The following DUSP18 variants were observed in gnomAD, a reference collection of about 807,000 sequenced individuals.
DUSP18 encodes the protein dual specificity phosphatase 18.
Under a neutral mutation model 6.3 loss-of-function variants are expected in DUSP18, and 4 were observed. The observed-to-expected ratio is 0.63, with a 90% confidence interval of 0.31 to 1.45. DUSP18 has a LOEUF of 1.45. Ranked by LOEUF, DUSP18 falls within the 40% of genes most tolerant of loss-of-function variation. The pLI is 0.07. For missense variants in DUSP18, 235 were observed against 247.7 expected (o/e 0.95, Z 0.34); for synonymous variants, 96 against 95.1 (o/e 1.01, Z -0.05).
chr22:30,652,592 A>G (rs2088244324), intron 2 of DUSP18, among the ~76,000 whole-genome samples: 1 of 152,242 alleles, frequency 6.6e-6, no homozygotes, highest in African/African-American at 2.4e-5. Context: ...CAATTAAGTT[A>G]GATCTCTTCC....
intron 1 of DUSP18, chr22:30,665,028 G>A (rs2088597444): frequency 6.5e-6 from 1 of 152,698 alleles, no homozygotes; most frequent in Non-Finnish European, 1.5e-5. Context: ...CCGCGCCGCA[G>A]ACCGTGCAGT....
chr22:30,654,412 T>A (rs2088292280), intron 2 of DUSP18: 1 of 453,918 alleles, frequency 2.2e-6, no homozygotes. Flanking sequence ...GTAGGCAAAC[T>A]TTCTTGTAGG....
downstream of DUSP18, among the ~76,000 whole-genome samples, chr22:30,661,177 GA>G (rs992557234): frequency 2.6e-4 from 40 of 151,646 alleles, no homozygotes; most frequent in Admixed American, 1.6e-3. Flanking sequence ...TGAGCAATTG[GA>G]AAAAAAATCT....
downstream of DUSP18, among the ~76,000 whole-genome samples, chr22:30,657,154 G>A (rs1054763866): frequency 3.3e-5 from 5 of 152,016 alleles, no homozygotes; most frequent in Non-Finnish European, 7.4e-5. Context: ...AAATTTCTGG[G>A]CTGGGTGCAG....
downstream of DUSP18, among the ~76,000 whole-genome samples, chr22:30,659,123 C>CAAAAAAAAAAAA (rs35939188): frequency 9.5e-6 from 1 of 104,716 alleles, no homozygotes; most frequent in Non-Finnish European, 1.8e-5. Context: ...GACTCCATCT[C>CAAAAAAAAAAAA]AAAAAAAAAA....
downstream of DUSP18, among the ~76,000 whole-genome samples, chr22:30,659,420 C>T (rs1332883426): frequency 1.3e-5 from 2 of 152,080 alleles, no homozygotes; most frequent in Non-Finnish European, 2.9e-5. Context: ...ATTGCCCAGG[C>T]TCGAGTTCAA....
Position 30,663,979 on chromosome 22 carries a change from G to C in DUSP18, c.25C>G (p.Pro9Ala). The C allele has an allele frequency of 6.2e-7, 1 of 1,613,918 alleles. No homozygotes were observed. The highest frequency in any genetic ancestry group is 8.5e-7 in the Non-Finnish European group (1 of 1,179,782). The change falls in exon 2 of 2, where the codon CCA becomes GCA. Residue 9 changes from proline (P) to alanine (A), a missense_variant. By Grantham distance (27) the Pro-to-Ala change is conservative. Coordinates refer to ENST00000334679, the MANE Select transcript of DUSP18 (RefSeq NM_152511.5). ...ACTGAGGGCTGCCGGAACTGAACTG[G>C]GAAGGCACACGAGGGTGCTGTCATC... is the stretch of plus-strand genomic sequence containing the variant. MTAPSCAF[P>A]VQFRQPSVSG...
chr22:30,660,841 A>ATT (rs201034099), downstream of DUSP18, among the ~76,000 whole-genome samples: 84 of 144,308 alleles, frequency 5.8e-4, no homozygotes, highest in Admixed American at 1.3e-3. Context: ...GCATAGAACA[A>ATT]TTTTTTTTTT....
downstream of DUSP18, among the ~76,000 whole-genome samples, chr22:30,659,522 C>T (rs2088417399): frequency 1.3e-5 from 2 of 152,008 alleles, no homozygotes; most frequent in Admixed American, 6.6e-5. Flanking sequence ...TACAGGCGCC[C>T]GCCACCACAT....
intron 2 of DUSP18, among the ~76,000 whole-genome samples, chr22:30,655,365 G>C (rs1190743945): frequency 1.3e-5 from 2 of 149,230 alleles, no homozygotes; most frequent in African/African-American, 5.0e-5. Context: ...GCTGAGATGG[G>C]AGGCTGCAGT....
chr22:30,657,949 AATAATG>A (rs991096260), downstream of DUSP18, among the ~76,000 whole-genome samples: 3 of 136,210 alleles, frequency 2.2e-5, no homozygotes, highest in Non-Finnish European at 4.6e-5. Context: ...TAATAATAAT[AATAATG>A]ATTAGCTGGA....
rs769987050 is a variant in DUSP18 at position 30,664,034 on chromosome 22, C to T, written c.-31G>A. ...CGGTGGGTCAGTGGTCAGCAGTCAGCGAAGCACGAAGGCTGCGTCTTTCTG... is the reference window on the plus strand; with the variant it reads ...CGGTGGGTCAGTGGTCAGCAGTCAGTGAAGCACGAAGGCTGCGTCTTTCTG... On this transcript the variant is annotated 5_prime_UTR_variant, in exon 2 of 2. Coordinates refer to ENST00000334679, the MANE Select transcript of DUSP18 (RefSeq NM_152511.5). The T allele has an allele frequency of 6.5e-5, 103 of 1,581,796 alleles. No homozygotes were observed. The highest frequency in any genetic ancestry group is 1.7e-4 in the Middle Eastern group (1 of 5,976).
Position 30,662,605 on chromosome 22 carries a change from T to C in DUSP18, c.*832A>G, listed in dbSNP as rs868780895. 128 of 152,246 alleles carry C rather than the reference T, an allele frequency of 8.4e-4. No homozygotes were observed. The highest frequency in any genetic ancestry group is 2.9e-3 in the African/African-American group (121 of 41,536). The allele number at this position is 152,246 out of a possible 1,614,324, so 9.4% of individuals were successfully genotyped here. Reference sequence around the variant, plus strand: ...ACTTTGGGAGGCTGAGGCGTGAGGATTGCTTGAGGCCAGGAGTTTGAGACC... The same window carrying C: ...ACTTTGGGAGGCTGAGGCGTGAGGACTGCTTGAGGCCAGGAGTTTGAGACC... On this transcript the variant is annotated 3_prime_UTR_variant, in exon 2 of 2. Transcript: ENST00000334679.
chr22:30,652,624 C>CA (rs1405912772), intron 2 of DUSP18, among the ~76,000 whole-genome samples: 1 of 152,216 alleles, frequency 6.6e-6, no homozygotes, highest in African/African-American at 2.4e-5. Flanking sequence ...CACAATTTTG[C>CA]AAAGGCGGCT....
chr22:30,655,507 C>CT (rs113225590), intron 2 of DUSP18, among the ~76,000 whole-genome samples: 1,555 of 145,790 alleles, frequency 0.011, 14 homozygotes, highest in South Asian at 0.032. Flanking sequence ...ACAAAATATC[C>CT]TTTTTTTTTT....
chr22:30,655,429 C>CAAAA (rs5844917), intron 2 of DUSP18, among the ~76,000 whole-genome samples: 2 of 111,660 alleles, frequency 1.8e-5, no homozygotes, highest in African/African-American at 3.6e-5. Context: ...GAGATCCTAC[C>CAAAA]AAAAAAAAAA....
chr22:30,660,635 A>G (rs1237243593), downstream of DUSP18, among the ~76,000 whole-genome samples: 1 of 152,216 alleles, frequency 6.6e-6, no homozygotes, highest in Non-Finnish European at 1.5e-5. Context: ...CTGAAACACA[A>G]TCAAGTGGCT....
Position 30,667,625 on chromosome 22 carries a change from T to G in DUSP18, c.-241A>C, listed in dbSNP as rs898789741. On this transcript the variant is annotated 5_prime_UTR_variant, in exon 1 of 2. Transcript: ENST00000334679. The stretch of plus-strand genomic sequence containing the variant: ...GCAATGGGCTCGTCGCAGAAAGGAA[T>G]AGCCTGTGCCGGGTCTTCAGAGAAA... 2.0e-5 allele frequency: 3 copies of G among 152,568 alleles called. No homozygotes were observed. The highest frequency in any genetic ancestry group is 7.2e-5 in the African/African-American group (3 of 41,442). 9.5% of individuals were successfully genotyped at this position (152,568 alleles called of 1,614,324 possible).
At chr22:30,654,918 C>T (rs757500502) in intron 2 of DUSP18, 35 of 166,254 alleles carry the variant, frequency 2.1e-4, no homozygotes, top group Non-Finnish European at 4.4e-4. Context: ...TTCCCTGGAA[C>T]CCTGTTTGAA....
Sources: gnomAD v4.1 joint callset for allele counts (sites outside exome capture counted in the v4.1 genomes callset) on GRCh38, gnomAD v4.1.1 for gene constraint, MANE v1.5 for transcripts, NCBI Gene and HGNC (gene_info 2026-07-23, HGNC 2026-07-21) for gene names.